Variants in PRPF6 observed in about 807,000 individuals in gnomAD.
The protein encoded by PRPF6 is pre-mRNA-processing factor 6.
Under a neutral mutation model 118.3 loss-of-function variants are expected in PRPF6, and 42 were observed. That is an observed-to-expected ratio of 0.35 (90% CI 0.28 to 0.46). PRPF6 has a LOEUF of 0.46. Ranked by LOEUF, PRPF6 falls within the 20% of genes least tolerant of loss-of-function variation. The probability of loss-of-function intolerance (pLI) is 1.00; values close to 1 mark genes in which losing one functional copy is unlikely to be tolerated. For synonymous variants in PRPF6, 481 were observed against 485.1 expected (o/e 0.99, Z 0.11); for missense variants, 662 against 1,255.7 (o/e 0.53, Z 7.15).
At chr20:63,984,148 C>T (rs568115457) in intron 2 of PRPF6, among the ~76,000 whole-genome samples, 1 of 152,230 alleles carries the variant, frequency 6.6e-6, no homozygotes, top group East Asian at 1.9e-4. Flanking sequence ...AGGCCAGGTG[C>T]GGTAGCTCAC....
chr20:63,989,161 C>T (rs183197888), intron 3 of PRPF6, among the ~76,000 whole-genome samples: 21 of 152,220 alleles, frequency 1.4e-4, no homozygotes, highest in African/African-American at 4.1e-4. Context: ...CTTCAATAAA[C>T]GGTGCTGGGA....
Position 64,026,837 on chromosome 20 carries a change from C to T in PRPF6, c.2029-145C>T, listed in dbSNP as rs2059293511. 2 of 831,416 alleles carry T rather than the reference C, an allele frequency of 2.4e-6. No homozygotes were observed. The highest frequency in any genetic ancestry group is 3.9e-6 in the Non-Finnish European group (2 of 508,492). The allele number at this position is 831,416 out of a possible 1,614,324, so 51.5% of individuals were successfully genotyped here. A position where few individuals can be genotyped will look rare whatever the true frequency, so the allele number is the denominator to read the frequency against. On this transcript the variant is annotated intron_variant, in intron 15 of 20. Transcript: ENST00000266079. This position sits in a 1 kb window ranked among gnomAD's most constrained non-coding sequence, Gnocchi z 4.4. ...AACAAAACAAAAACATATATTTATCCCCACCTTTTGTGTACACAAACAGGC... is the reference window on the plus strand; with the variant it reads ...AACAAAACAAAAACATATATTTATCTCCACCTTTTGTGTACACAAACAGGC...
At chr20:64,021,505 G>T (rs2059263186) in intron 12 of PRPF6, among the ~76,000 whole-genome samples, 1 of 149,102 alleles carries the variant, frequency 6.7e-6, no homozygotes. Flanking sequence ...CCCTGTGTCT[G>T]TGTGTGTGCA....
intron 12 of PRPF6, among the ~76,000 whole-genome samples, chr20:64,022,216 G>C (rs549180708): frequency 6.6e-6 from 1 of 152,380 alleles, no homozygotes; most frequent in Admixed American, 6.5e-5. Context: ...AGTAAGCACA[G>C]CTGTTTTTCA....
intron 6 of PRPF6, 24 bp downstream of exon 6, chr20:63,995,506 C>T (rs1347639415): frequency 6.2e-7 from 1 of 1,613,884 alleles, no homozygotes; most frequent in Non-Finnish European, 8.5e-7. Context: ...ACAGCATTTT[C>T]CTGTGGACAG....
chr20:64,033,088 T>C lies in PRPF6; in HGVS notation c.*95T>C. 6.4e-7 allele frequency: 1 copy of C among 1,558,682 alleles called. No homozygotes were observed. Among genetic ancestry groups the C allele is most frequent in the Non-Finnish European group, 8.7e-7 (1 of 1,143,810 alleles). On this transcript the variant is annotated 3_prime_UTR_variant, in exon 21 of 21. Coordinates refer to ENST00000266079, the MANE Select transcript of PRPF6 (RefSeq NM_012469.4). The stretch of plus-strand genomic sequence containing the variant: ...TCCTCCTTCATTAAAAGTTTTTATG[T>C]CTCGTGTCAGAACAGGCAGCCTGCT...
chr20:64,025,945 C>A lies in PRPF6; in HGVS notation c.1915C>A (p.Pro639Thr). 1 of 1,613,686 alleles carries A rather than the reference C, an allele frequency of 6.2e-7. No homozygotes were observed. Reference sequence around the variant, plus strand: ...TGCTGTACTTGCCCTTCAGGCCAACCCCAACAGTGAGGAGATCTGGCTGGC... The same window carrying A: ...TGCTGTACTTGCCCTTCAGGCCAACACCAACAGTGAGGAGATCTGGCTGGC... The part of the protein sequence containing the change: ...SILALAFQAN[P>T]NSEEIWLAAV... The change falls in exon 15 of 21, where the codon CCC (proline) becomes ACC (threonine). Residue 639 changes from proline (P) to threonine (T), a missense_variant. Physicochemically the swap from Pro to Thr is conservative, Grantham distance 38 (BLOSUM62 -1). Around this residue, in one of 10 missense-constraint regions of PRPF6, gnomAD observed 15 missense variants for 66.5 expected, o/e 0.23. Coordinates refer to ENST00000266079, the MANE Select transcript of PRPF6 (RefSeq NM_012469.4).
intron 12 of PRPF6, among the ~76,000 whole-genome samples, chr20:64,021,523 A>C (rs374818275): frequency 1.4e-5 from 2 of 139,192 alleles, no homozygotes; most frequent in South Asian, 4.6e-4. Context: ...GCATGTATGC[A>C]TATGCCTCAG....
rs754688708 is a variant in PRPF6 at position 64,001,188 on chromosome 20, G to A, written c.1135G>A (p.Ala379Thr). The stretch of plus-strand genomic sequence containing the variant: ...ACAGTCTGTCAGGATTTACATCAGA[G>A]CCGCAGAGCTGGAAACGGACATTCG... The part of the protein sequence containing the change: ...LPQSVRIYIR[A>T]AELETDIRAK... Residue 379 changes from alanine to threonine, a missense_variant, in exon 9 of 21, where the codon GCC (alanine) becomes ACC (threonine). Physicochemically the swap from Ala to Thr is moderately conservative, Grantham distance 58 (BLOSUM62 0). Transcript: ENST00000266079. The A allele has an allele frequency of 1.2e-5, 20 of 1,614,120 alleles. No individual in the cohort carries two copies. Among genetic ancestry groups the A allele is most frequent in the Non-Finnish European group, 1.7e-5 (20 of 1,180,044 alleles).
chr20:64,032,018 A>G lies in PRPF6; in HGVS notation c.2647A>G (p.Lys883Glu). The part of the protein sequence containing the change: ...DLGDAWAFFY[K>E]FELQHGTEEQ... Reference sequence around the variant, plus strand: ...GGGGGATGCCTGGGCCTTCTTCTACAAGTTTGAGCTGCAGCATGGCACTGA... The same window carrying G: ...GGGGGATGCCTGGGCCTTCTTCTACGAGTTTGAGCTGCAGCATGGCACTGA... The change falls in exon 20 of 21, where the codon AAG (lysine) becomes GAG (glutamate). Residue 883 changes from lysine (K) to glutamate (E), a missense_variant. By Grantham distance (56) the Lys-to-Glu change is moderately conservative. Around this residue, in one of 10 missense-constraint regions of PRPF6, gnomAD observed 244 missense variants for 383.7 expected, o/e 0.64. Coordinates refer to ENST00000266079, the MANE Select transcript of PRPF6 (RefSeq NM_012469.4). The G allele has an allele frequency of 6.2e-7, 1 of 1,614,072 alleles. No homozygotes were observed. The highest frequency in any genetic ancestry group is 1.1e-5 in the South Asian group (1 of 91,086).
At chr20:63,981,887 C>G (rs1452567294) in intron 1 of PRPF6, among the ~76,000 whole-genome samples, 3 of 151,996 alleles carry the variant, frequency 2.0e-5, no homozygotes, top group Non-Finnish European at 4.4e-5. Flanking sequence ...GTAAAGAGGA[C>G]CAGATTTAGA....
intron 10 of PRPF6, among the ~76,000 whole-genome samples, chr20:64,010,574 A>T (rs2059212333): frequency 6.6e-6 from 1 of 152,172 alleles, no homozygotes; most frequent in Non-Finnish European, 1.5e-5. Flanking sequence ...CACTGCAGAA[A>T]ATTCTCTGTT....
Position 63,993,225 on chromosome 20 carries a change from AAT to A in PRPF6, c.360-181_360-180del, listed in dbSNP as rs1491315737. 3.0e-3 allele frequency among the ~76,000 whole-genome samples: 305 copies of A among 102,980 alleles called. 12 individuals carry two copies. In the South Asian group the frequency reaches 0.09, roughly 30 times the overall value. The allele number at this position is 102,980 out of a possible 152,430, so 67.6% of individuals were successfully genotyped here. A position where few individuals can be genotyped will look rare whatever the true frequency, so the allele number is the denominator to read the frequency against. On this transcript the variant is annotated intron_variant, in intron 3 of 20. Coordinates refer to ENST00000266079, the MANE Select transcript of PRPF6 (RefSeq NM_012469.4). ...AGCAAGACTCCATCTCAAAAAAAAA[AAT>A]GTGTGTGTGTGTGTGTGTGTGTGTG...
At chr20:64,007,386 C>T (rs1246060679) in intron 9 of PRPF6, among the ~76,000 whole-genome samples, 1 of 145,554 alleles carries the variant, frequency 6.9e-6, no homozygotes, top group Non-Finnish European at 1.5e-5. Context: ...CTCCCCTCCC[C>T]TCTGCCTCCC....
At chr20:64,000,101 G>GCCACCATGCCTGAAT (rs1283362294) in intron 8 of PRPF6, among the ~76,000 whole-genome samples, 1 of 152,014 alleles carries the variant, frequency 6.6e-6, no homozygotes, top group Non-Finnish European at 1.5e-5. Flanking sequence ...ATAGGCGCCC[G>GCCACCATGCCTGAAT]CCACCATGCC....
In PRPF6 at chr20:64,001,191, G is replaced by T; in HGVS notation, c.1138G>T (p.Ala380Ser). 6.2e-7 allele frequency: 1 copy of T among 1,614,220 alleles called. No individual in the cohort carries two copies. ...PQSVRIYIRA[A>S]ELETDIRAKK... ...GTCTGTCAGGATTTACATCAGAGCCGCAGAGCTGGAAACGGACATTCGTGC... is the reference window on the plus strand; with the variant it reads ...GTCTGTCAGGATTTACATCAGAGCCTCAGAGCTGGAAACGGACATTCGTGC... Residue 380 changes from alanine to serine, a missense_variant, in exon 9 of 21, where the codon GCA (alanine) becomes TCA (serine). This residue lies in a region of PRPF6 where 189 missense variants were observed against 323.5 expected (regional missense o/e 0.58). Coordinates refer to ENST00000266079, the MANE Select transcript of PRPF6 (RefSeq NM_012469.4).
chr20:64,010,258 A>C lies in PRPF6; in HGVS notation c.1245A>C (p.Glu415Asp). 1 of 1,614,146 alleles carries C rather than the reference A, an allele frequency of 6.2e-7. No individual in the cohort carries two copies. The highest frequency in any genetic ancestry group is 1.3e-5 in the African/African-American group (1 of 75,048). The stretch of plus-strand genomic sequence containing the variant: ...GGAAAGCAGCCGTTGAGCTGGAAGA[A>C]CCTGAAGATGCTAGAATCATGCTGA... ...RLWKAAVELE[E>D]PEDARIMLSR... The change falls in exon 10 of 21, where the codon GAA becomes GAC. Residue 415 changes from glutamate (E) to aspartate (D), a missense_variant. Physicochemically the swap from Glu to Asp is conservative, Grantham distance 45. Around this residue, in one of 10 missense-constraint regions of PRPF6, gnomAD observed 189 missense variants for 323.5 expected, o/e 0.58. Transcript: ENST00000266079.
intron 9 of PRPF6, among the ~76,000 whole-genome samples, chr20:64,009,527 A>G (rs967018306): frequency 6.6e-6 from 1 of 152,144 alleles, no homozygotes; most frequent in Non-Finnish European, 1.5e-5. Context: ...GTTTGAGACC[A>G]GCCTGGCCAA....
At chr20:63,987,334 C>T (rs1346052218) in intron 3 of PRPF6, among the ~76,000 whole-genome samples, 1 of 151,860 alleles carries the variant, frequency 6.6e-6, no homozygotes, top group Non-Finnish European at 1.5e-5. Context: ...TGGTAAAACC[C>T]TGTCTCTACT....
Sources: gnomAD v4.1 joint callset for allele counts (sites outside exome capture counted in the v4.1 genomes callset) on GRCh38, gnomAD v4.1.1 for gene constraint, gnomAD v4.1.1 regional missense constraint, Gnocchi (gnomAD v3.1) non-coding constraint, MANE v1.5 for transcripts, NCBI Gene and HGNC (gene_info 2026-07-23, HGNC 2026-07-21) for gene names.